FGF12: variants seen among roughly 807,000 people sequenced by gnomAD.
FGF12 encodes the protein fibroblast growth factor 12, also known as fibroblast growth factor 12B.
A neutral mutation model predicts 23.6 loss-of-function variants in FGF12; 14 were observed. The ratio of observed to expected loss-of-function variants is 0.59; its 90% CI spans 0.39 to 0.93. The LOEUF is 0.93. FGF12 is among the 40% of genes least tolerant of loss of function. The probability of loss-of-function intolerance (pLI) is 0.00; values close to 1 mark genes in which losing one functional copy is unlikely to be tolerated. For synonymous variants in FGF12, 62 were observed against 77.3 expected (o/e 0.80, Z 1.04); for missense variants, 175 against 217.8 (o/e 0.80, Z 1.24).
intron 2 of FGF12, among the ~76,000 whole-genome samples, chr3:192,462,007 C>T (rs1481923560): frequency 6.6e-6 from 1 of 150,940 alleles, no homozygotes; most frequent in Non-Finnish European, 1.5e-5. Context: ...AAAAAAAACA[C>T]ACATTATTAC....
intron 2 of FGF12, among the ~76,000 whole-genome samples, chr3:192,601,203 G>T (rs1305255205): frequency 6.6e-6 from 1 of 152,132 alleles, no homozygotes; most frequent in Non-Finnish European, 1.5e-5. Context: ...GGAATAGAAA[G>T]TTAAAGTTCT....
chr3:192,355,196 C>A (rs1223894067), intron 3 of FGF12, among the ~76,000 whole-genome samples: 1 of 151,996 alleles, frequency 6.6e-6, no homozygotes, highest in Non-Finnish European at 1.5e-5. Context: ...TGAAAAATGA[C>A]TTATATAGGA....
rs142165725 is a variant in FGF12 at position 192,628,132 on chromosome 3, C to T, written c.13+99049G>A. The stretch of plus-strand genomic sequence containing the variant: ...AACCTTTGGTGACTGGCTTTTTTCA[C>T]TCAGTATAATTCCCTGGAGATTCAT... On this transcript the variant is annotated intron_variant, in intron 2 of 5. Coordinates refer to ENST00000445105, the MANE Select transcript of FGF12 (RefSeq NM_004113.6). Among the ~76,000 whole-genome samples, 108 of 152,126 alleles carry T rather than the reference C, an allele frequency of 7.1e-4. 1 individual carries two copies. In the East Asian group the frequency reaches 0.02, roughly 28 times the overall value.
chr3:192,248,671 A>C (rs115599457), intron 4 of FGF12, among the ~76,000 whole-genome samples: 1 of 152,132 alleles, frequency 6.6e-6, no homozygotes, highest in African/African-American at 2.4e-5. Context: ...CCAGCTACTC[A>C]TGAGACTGAG....
intron 2 of FGF12, among the ~76,000 whole-genome samples, chr3:192,683,173 G>A (rs535316983): frequency 6.6e-6 from 1 of 152,310 alleles, no homozygotes; most frequent in Non-Finnish European, 1.5e-5. Context: ...TTCAGTTGGT[G>A]AGCAGTGAAA....
At chr3:192,585,286 G>A (rs1368574691) in intron 2 of FGF12, among the ~76,000 whole-genome samples, 2 of 152,144 alleles carry the variant, frequency 1.3e-5, no homozygotes, top group Non-Finnish European at 2.9e-5. Flanking sequence ...AACCTTGGAA[G>A]CAACAGGATA....
chr3:192,204,620 T>G (rs1357174818), intron 4 of FGF12, among the ~76,000 whole-genome samples: 1 of 152,118 alleles, frequency 6.6e-6, no homozygotes, highest in Non-Finnish European at 1.5e-5. Context: ...GAGTGGTGGC[T>G]CAGGTTTGTA....
At chr3:192,167,254 C>A (rs1715217458) in intron 5 of FGF12, among the ~76,000 whole-genome samples, 2 of 151,302 alleles carry the variant, frequency 1.3e-5, no homozygotes, top group African/African-American at 4.9e-5. Flanking sequence ...CGATAAGTAG[C>A]ATATGGCAGT....
chr3:192,298,141 A>G (rs1302813123), intron 4 of FGF12, among the ~76,000 whole-genome samples: 1 of 152,226 alleles, frequency 6.6e-6, no homozygotes, highest in Non-Finnish European at 1.5e-5. Context: ...TCTCAGCTTC[A>G]TTAACTCATA....
chr3:192,512,835 A>AATAAATAAATATATATAT (rs35779279), intron 2 of FGF12, among the ~76,000 whole-genome samples: 3 of 76,766 alleles, frequency 3.9e-5, no homozygotes, highest in African/African-American at 1.9e-4. Context: ...TACTCAAATA[A>AATAAATAAATATATATAT]ATATATATAT....
intron 2 of FGF12, among the ~76,000 whole-genome samples, chr3:192,536,590 T>C (rs1725228990): frequency 6.6e-6 from 1 of 152,128 alleles, no homozygotes; most frequent in African/African-American, 2.4e-5. Flanking sequence ...TAAAATATGT[T>C]GAGAATTTTC....
chr3:192,596,192 G>T (rs974055450), intron 2 of FGF12, among the ~76,000 whole-genome samples: 2 of 136,474 alleles, frequency 1.5e-5, no homozygotes, highest in African/African-American at 5.6e-5. Flanking sequence ...CATTTCTCAT[G>T]ATGCCTACTC....
At chr3:192,643,973 T>G (rs1422915948) in intron 2 of FGF12, among the ~76,000 whole-genome samples, 1 of 152,156 alleles carries the variant, frequency 6.6e-6, no homozygotes, top group African/African-American at 2.4e-5. Context: ...ACTTCAGAAC[T>G]TACAAAGCTA....
At chr3:192,317,290 G>A (rs1276980877) in intron 4 of FGF12, among the ~76,000 whole-genome samples, 1 of 151,910 alleles carries the variant, frequency 6.6e-6, no homozygotes, top group African/African-American at 2.4e-5. Context: ...AGGGTAGCCA[G>A]CTCCAGGCCT....
At chr3:192,624,729 T>C (rs1715101548) in intron 2 of FGF12, among the ~76,000 whole-genome samples, 1 of 152,166 alleles carries the variant, frequency 6.6e-6, no homozygotes, top group Admixed American at 6.5e-5. Flanking sequence ...CTATATATTA[T>C]GTGTGTATAC....
At chr3:192,226,810 A>G (rs1342060948) in intron 4 of FGF12, among the ~76,000 whole-genome samples, 3 of 152,170 alleles carry the variant, frequency 2.0e-5, no homozygotes, top group African/African-American at 2.4e-5. Context: ...AATGATAGCT[A>G]TGTGAGGAAT....
At chr3:192,315,230 C>A (rs867788764) in intron 4 of FGF12, among the ~76,000 whole-genome samples, 1 of 152,108 alleles carries the variant, frequency 6.6e-6, no homozygotes, top group Non-Finnish European at 1.5e-5. Flanking sequence ...TCTTATTTGA[C>A]CCCATCACAG....
At position 192,452,152 on chromosome 3, in the gene FGF12, T is replaced by A. The variant is rs79946684; in HGVS notation, c.14-91614A>T. Among the ~76,000 whole-genome samples, 602 of 152,304 alleles carry A rather than the reference T, an allele frequency of 4.0e-3. 2 individuals carry two copies. The highest frequency in any genetic ancestry group is 0.014 in the African/African-American group (562 of 41,570). ...CTATAGGTTTTTTTGGTACATATTT[T>A]CTATCAAATTGAGAAAGATCCTTAT... On this transcript the variant is annotated intron_variant, in intron 2 of 5. Coordinates refer to ENST00000445105, the MANE Select transcript of FGF12 (RefSeq NM_004113.6).
intron 2 of FGF12, among the ~76,000 whole-genome samples, chr3:192,580,026 A>G (rs1487681808): frequency 1.3e-5 from 2 of 152,198 alleles, no homozygotes; most frequent in African/African-American, 2.4e-5. Flanking sequence ...GACAGATGCC[A>G]TGCTCCCTGA....
Sources: allele counts gnomAD v4.1 joint callset (sites outside exome capture counted in the v4.1 genomes callset), GRCh38; gene constraint gnomAD v4.1.1; transcripts MANE v1.5; gene names NCBI Gene and HGNC (gene_info 2026-07-23, HGNC 2026-07-21).